Variants in GNG7 observed in about 807,000 individuals in gnomAD.
GNG7 encodes the protein G protein subunit gamma 7.
A neutral mutation model predicts 4.0 loss-of-function variants in GNG7; 1 was observed. The ratio of observed to expected loss-of-function variants is 0.25; its 90% confidence interval spans 0.09 to 1.18. The LOEUF (loss-of-function observed/expected upper bound fraction) is 1.18, where lower values mean the gene tolerates loss of function less well. Among genes scored for constraint, GNG7 ranks in the 50% most tolerant of loss-of-function variants. The pLI is 0.50. For synonymous variants in GNG7, 34 were observed against 36.9 expected (o/e 0.92, Z 0.29); for missense variants, 86 against 91.9 (o/e 0.94, Z 0.26).
intron 1 of GNG7, among the ~76,000 whole-genome samples, chr19:2,661,457 G>C (rs1983176326): frequency 6.6e-6 from 1 of 151,592 alleles, no homozygotes; most frequent in African/African-American, 2.4e-5. Context: ...TCAGGAATTT[G>C]AGACCAGCCT....
intron 1 of GNG7, among the ~76,000 whole-genome samples, chr19:2,695,467 G>A (rs2144914219): frequency 6.6e-6 from 1 of 152,278 alleles, no homozygotes; most frequent in Middle Eastern, 3.4e-3. Flanking sequence ...CCTGGCACCA[G>A]TTCTGAGGCT....
chr19:2,671,385 C>T (rs557133697), intron 1 of GNG7, among the ~76,000 whole-genome samples: 1 of 152,204 alleles, frequency 6.6e-6, no homozygotes, highest in Admixed American at 6.5e-5. Flanking sequence ...CCAGCACCAG[C>T]CAAAAGGACC....
intron 2 of GNG7, among the ~76,000 whole-genome samples, chr19:2,562,414 G>T (rs928830111): frequency 1.3e-5 from 2 of 151,912 alleles, no homozygotes; most frequent in African/African-American, 4.8e-5. Flanking sequence ...CTCCCAAAGT[G>T]CCGGGATTAC....
chr19:2,609,468 A>G lies in GNG7; in HGVS notation c.-78+36756T>C, dbSNP rs899998080. Among the ~76,000 whole-genome samples, 2 of 152,144 alleles carry G rather than the reference A, an allele frequency of 1.3e-5. No individual in the cohort carries two copies. Among genetic ancestry groups the G allele is most frequent in the African/African-American group, 4.8e-5 (2 of 41,436 alleles). ...ATTTGGGAGCCGACAGGTCCGGGTAACAACTGCAGTTTAGCCGCTCACTTG... is the reference window on the plus strand; with the variant it reads ...ATTTGGGAGCCGACAGGTCCGGGTAGCAACTGCAGTTTAGCCGCTCACTTG... On this transcript the variant is annotated intron_variant, in intron 2 of 4. Transcript: ENST00000382159. This position sits in a 1 kb window ranked among gnomAD's most constrained non-coding sequence, Gnocchi z 4.4.
intron 3 of GNG7, among the ~76,000 whole-genome samples, chr19:2,520,951 G>A (rs992081613): frequency 1.3e-5 from 2 of 152,184 alleles, no homozygotes; most frequent in South Asian, 4.1e-4. Context: ...TTTGCAGAAC[G>A]AGAGAATGAA....
intron 2 of GNG7, among the ~76,000 whole-genome samples, chr19:2,566,910 C>T (rs566387295): frequency 6.6e-6 from 1 of 152,130 alleles, no homozygotes; most frequent in African/African-American, 2.4e-5. Flanking sequence ...CGAGACCAGC[C>T]TGACCAACAT....
chr19:2,553,433 ATATGTTATATATTATATGCAATATAT>A (rs1348190555), intron 3 of GNG7, among the ~76,000 whole-genome samples: 2 of 147,314 alleles, frequency 1.4e-5, no homozygotes, highest in East Asian at 3.9e-4. Flanking sequence ...TATGCAATAT[ATATGTTATATATTATATGCAATATAT>A]TATGTTATAT....
At chr19:2,694,275 T>C (rs1045751372) in intron 1 of GNG7, among the ~76,000 whole-genome samples, 1 of 151,768 alleles carries the variant, frequency 6.6e-6, no homozygotes, top group Non-Finnish European at 1.5e-5. Context: ...AGTTCAACCA[T>C]AGTTTTTAGG....
rs142935218 is a variant in GNG7 at position 2,583,899 on chromosome 19, A to T, written c.-77-28711T>A. ...GATTCCCATAATATATTGCTAAATT[A>T]AAAAAAACAGATTAAAGAACAGTAT... is the stretch of plus-strand genomic sequence containing the variant. On this transcript the variant is annotated intron_variant, in intron 2 of 4. Coordinates refer to ENST00000382159, the MANE Select transcript of GNG7 (RefSeq NM_052847.3). Among the ~76,000 whole-genome samples the T allele has an allele frequency of 8.0e-3, 1,209 of 152,040 alleles. 26 individuals carry two copies. Among genetic ancestry groups the T allele is most frequent in the African/African-American group, 0.028 (1,151 of 41,476 alleles).
rs139772404 is a variant in GNG7, at chr19:2,634,250, G to A, written c.-78+11974C>T. 7.5e-4 allele frequency among the ~76,000 whole-genome samples: 114 copies of A among 152,224 alleles called. No individual in the cohort carries two copies. Among genetic ancestry groups the A allele is most frequent in the Non-Finnish European group, 1.4e-3 (95 of 68,000 alleles). On this transcript the variant is annotated intron_variant, in intron 2 of 4. Transcript: ENST00000382159. The surrounding 1 kb of genome is among the most constrained non-coding windows in gnomAD (Gnocchi z 5.3). Reference sequence around the variant, plus strand: ...TCAGCACTGTGGACATTTGAGGCCCGATTGTTCTCTGGGGTGGGGCCGTCC... The same window carrying A: ...TCAGCACTGTGGACATTTGAGGCCCAATTGTTCTCTGGGGTGGGGCCGTCC...
At chr19:2,517,434 G>A (rs536728208) in intron 4 of GNG7, among the ~76,000 whole-genome samples, 122 of 152,052 alleles carry the variant, frequency 8.0e-4, no homozygotes, top group Non-Finnish European at 1.4e-3. Flanking sequence ...GCGTGATCTC[G>A]GCTCACTGCA....
At chr19:2,529,286 G>T (rs920207636) in intron 3 of GNG7, among the ~76,000 whole-genome samples, 1 of 152,130 alleles carries the variant, frequency 6.6e-6, no homozygotes, top group Non-Finnish European at 1.5e-5. Context: ...GCACCAACTC[G>T]GCTCACTGCA....
intron 2 of GNG7, among the ~76,000 whole-genome samples, chr19:2,604,895 A>G (rs1981331847): frequency 1.3e-5 from 2 of 152,212 alleles, no homozygotes; most frequent in African/African-American, 4.8e-5. Context: ...TCCTGGGATG[A>G]ACTAGATTCT....
At chr19:2,697,131 A>T (rs1913286035) in intron 1 of GNG7, among the ~76,000 whole-genome samples, 1 of 152,200 alleles carries the variant, frequency 6.6e-6, no homozygotes, top group South Asian at 2.1e-4. Context: ...ATGTTCTGAA[A>T]GGGGCTTATA....
intron 2 of GNG7, among the ~76,000 whole-genome samples, chr19:2,628,575 ACG>A (rs1982078235): frequency 6.7e-6 from 1 of 149,896 alleles, no homozygotes; most frequent in Non-Finnish European, 1.5e-5. Flanking sequence ...GTTTATGTGT[ACG>A]GTTCAGTGAT....
chr19:2,572,845 C>T (rs1347600261), intron 2 of GNG7, among the ~76,000 whole-genome samples: 2 of 151,762 alleles, frequency 1.3e-5, no homozygotes, highest in African/African-American at 2.4e-5. Context: ...AATCCTCCCA[C>T]CTCGGACTCC....
chr19:2,587,310 G>A (rs754327064), intron 2 of GNG7, among the ~76,000 whole-genome samples: 15 of 152,076 alleles, frequency 9.9e-5, no homozygotes, highest in Non-Finnish European at 1.8e-4. Flanking sequence ...CTGTCCCTCC[G>A]ACCTCACCTG....
chr19:2,643,048 T>C, intron 2 of GNG7: 1 of 452,422 alleles, frequency 2.2e-6, no homozygotes, highest in Non-Finnish European at 4.4e-6. Context: ...AAATGCAAAG[T>C]CTGAGCCCTC....
intron 3 of GNG7, among the ~76,000 whole-genome samples, chr19:2,551,170 G>A (rs939955230): frequency 3.3e-5 from 5 of 152,190 alleles, no homozygotes; most frequent in Admixed American, 1.3e-4. Flanking sequence ...CCCAGAGGAC[G>A]GGGCTCAGGG....
Sources: gnomAD v4.1 joint callset for allele counts (sites outside exome capture counted in the v4.1 genomes callset) on GRCh38, gnomAD v4.1.1 for gene constraint, Gnocchi (gnomAD v3.1) non-coding constraint, MANE v1.5 for transcripts, NCBI Gene and HGNC (gene_info 2026-07-23, HGNC 2026-07-21) for gene names.